The following VSNL1 variants were observed in gnomAD, a reference collection of about 807,000 sequenced individuals.
VSNL1 encodes the protein visinin-like protein 1.
In VSNL1, 6 loss-of-function variants were observed where a neutral mutation model predicts 20.4. The ratio of observed to expected loss-of-function variants is 0.29; its 90% CI spans 0.16 to 0.58. The LOEUF (loss-of-function observed/expected upper bound fraction) is 0.58. Among genes scored for constraint, VSNL1 ranks in the 20% least tolerant of loss-of-function variants. VSNL1 has a pLI of 0.90. For synonymous variants in VSNL1, 93 were observed against 86.4 expected, an observed-to-expected ratio of 1.08 and a Z score of -0.42; for missense variants, 100 against 234.5, an observed-to-expected ratio of 0.43 and a Z score of 3.75.
At chr2:17,613,681 A>G (rs1048827209) in intron 2 of VSNL1, among the ~76,000 whole-genome samples, 3 of 152,168 alleles carry the variant, frequency 2.0e-5, no homozygotes, top group African/African-American at 7.2e-5. Context: ...GAGTGGAGCC[A>G]TACACAGGGG....
intron 2 of VSNL1, among the ~76,000 whole-genome samples, chr2:17,622,532 AAAAGAAAGAAAGAAAG>A (rs201871488): frequency 0.066 from 6,493 of 98,428 alleles, 359 homozygotes; most frequent in African/African-American, 0.11. Flanking sequence ...AGAAAGAAAG[AAAAGAAAGAAAGAAAG>A]AAAGAAAGAA....
chr2:17,620,017 A>C (rs546302553), intron 2 of VSNL1, among the ~76,000 whole-genome samples: 1 of 152,138 alleles, frequency 6.6e-6, no homozygotes, highest in Non-Finnish European at 1.5e-5. Flanking sequence ...CAATCTTTCT[A>C]TATGAACTGA....
rs1479069942 is a variant in VSNL1 at position 17,656,714 on chromosome 2, T to C, written c.*1320T>C. ...TGCCCCCCTAGAGAGTTGAGTTTTT[T>C]ACACAGCACTACCCGGTAGTACTTT... On this transcript the variant is annotated 3_prime_UTR_variant, in exon 4 of 4. Coordinates refer to ENST00000295156, the MANE Select transcript of VSNL1 (RefSeq NM_003385.5). 6.6e-6 allele frequency: 1 copy of C among 152,238 alleles called. No homozygotes were observed. The highest frequency in any genetic ancestry group is 2.1e-4 in the South Asian group (1 of 4,828). The allele number at this position is 152,238 out of a possible 1,614,324, so 9.4% of individuals were successfully genotyped here.
At chr2:17,579,210 G>C (rs536201394) in intron 1 of VSNL1, among the ~76,000 whole-genome samples, 3 of 152,156 alleles carry the variant, frequency 2.0e-5, no homozygotes, top group Admixed American at 2.0e-4. Context: ...CCGCCTCCCG[G>C]GTTCATGCCA....
At chr2:17,591,878 T>C (rs1481346225) in intron 1 of VSNL1, among the ~76,000 whole-genome samples, 192 bp from the exon 2 acceptor site, 2 of 151,934 alleles carry the variant, frequency 1.3e-5, no homozygotes, top group African/African-American at 4.8e-5. Context: ...CTTGGAACTG[T>C]CAGAAGAGTC....
intron 1 of VSNL1, among the ~76,000 whole-genome samples, chr2:17,555,271 C>G (rs757697569): frequency 7.2e-5 from 11 of 152,174 alleles, no homozygotes; most frequent in Non-Finnish European, 1.3e-4. Context: ...CAGATGGCTG[C>G]ATTCCTTTCC....
intron 1 of VSNL1, among the ~76,000 whole-genome samples, chr2:17,578,249 G>A (rs1391237337): frequency 6.6e-6 from 1 of 152,138 alleles, no homozygotes; most frequent in African/African-American, 2.4e-5. Flanking sequence ...GAAGGCCCGG[G>A]TCTTTGCTGT....
At chr2:17,640,239 C>T (rs777669298) in intron 2 of VSNL1, among the ~76,000 whole-genome samples, 12 of 135,016 alleles carry the variant, frequency 8.9e-5, no homozygotes, top group African/African-American at 2.3e-4. Flanking sequence ...GGCAACAGAG[C>T]GAGACTCTGT....
At position 17,600,650 on chromosome 2, in the gene VSNL1, T is replaced by C. The variant is rs569991067; in HGVS notation, c.162+8414T>C. 6.6e-5 allele frequency among the ~76,000 whole-genome samples: 10 copies of C among 152,340 alleles called. No individual in the cohort carries two copies. In the South Asian group the frequency reaches 2.1e-3, roughly 32 times the overall value. ...GGAGCAGACTTTATTAAAAATTCAT[T>C]GGGCAGAGCTGTATATAGAAGGGTT... is the stretch of plus-strand genomic sequence containing the variant. On this transcript the variant is annotated intron_variant, in intron 2 of 3. Transcript: ENST00000295156.
Position 17,655,341 on chromosome 2 carries a change from G to A in VSNL1, c.523G>A (p.Ala175Thr). ...TACACTGGATGAATTCAAAGAAGCT[G>A]CAAAGAGCGACCCTTCCATTGTATT... Reference protein sequence around the residue: ...QITLDEFKEAAKSDPSIVLLL... With the variant: ...QITLDEFKEATKSDPSIVLLL... Residue 175 changes from alanine to threonine, a missense_variant, in exon 4 of 4, where the codon GCA becomes ACA. By Grantham distance (58) the Ala-to-Thr change is moderately conservative. Transcript: ENST00000295156. This position sits in a 1 kb window ranked among gnomAD's most constrained non-coding sequence, Gnocchi z 5.2. 1 of 1,614,060 alleles carries A rather than the reference G, an allele frequency of 6.2e-7. No homozygotes were observed. Among genetic ancestry groups the A allele is most frequent in the East Asian group, 2.2e-5 (1 of 44,874 alleles).
chr2:17,590,939 A>T (rs966724326), intron 1 of VSNL1, among the ~76,000 whole-genome samples: 1 of 152,044 alleles, frequency 6.6e-6, no homozygotes, highest in Non-Finnish European at 1.5e-5. Flanking sequence ...GTTTAACTTG[A>T]CTTTTTAAAT....
chr2:17,613,559 T>C (rs1353707567), intron 2 of VSNL1, among the ~76,000 whole-genome samples: 1 of 152,172 alleles, frequency 6.6e-6, no homozygotes, highest in Admixed American at 6.5e-5. Context: ...TCACAAAAGA[T>C]GTAAGAGCTA....
chr2:17,585,382 T>TAAA (rs35397738), intron 1 of VSNL1, among the ~76,000 whole-genome samples: 1 of 141,830 alleles, frequency 7.1e-6, no homozygotes, highest in Non-Finnish European at 1.5e-5. Flanking sequence ...GCCTTCATTA[T>TAAA]AAAAAAAAAA....
intron 1 of VSNL1, among the ~76,000 whole-genome samples, chr2:17,544,050 A>G (rs1040806527): frequency 5.3e-5 from 8 of 152,204 alleles, no homozygotes; most frequent in Non-Finnish European, 8.8e-5. Flanking sequence ...TTACATGAAA[A>G]AAGCTGAGGC....
chr2:17,543,641 C>T (rs2103333182), intron 1 of VSNL1, among the ~76,000 whole-genome samples: 1 of 152,340 alleles, frequency 6.6e-6, no homozygotes, highest in African/African-American at 2.4e-5. Flanking sequence ...CTGGTTTAAC[C>T]TGAAGTTGTG....
chr2:17,645,218 T>C (rs1212903732), intron 2 of VSNL1, among the ~76,000 whole-genome samples: 1 of 152,228 alleles, frequency 6.6e-6, no homozygotes, highest in Non-Finnish European at 1.5e-5. Context: ...TCCTCCGAAG[T>C]AGCCTTGCTG....
At chr2:17,633,186 A>G (rs1665674100) in intron 2 of VSNL1, among the ~76,000 whole-genome samples, 1 of 152,016 alleles carries the variant, frequency 6.6e-6, no homozygotes, top group Admixed American at 6.6e-5. Flanking sequence ...TTATAAAACC[A>G]TCAGATCTCG....
At chr2:17,551,175 C>A (rs1663526016) in intron 1 of VSNL1, among the ~76,000 whole-genome samples, 1 of 152,134 alleles carries the variant, frequency 6.6e-6, no homozygotes, top group South Asian at 2.1e-4. Context: ...TACACAGGCA[C>A]CAGTCAAATA....
intron 1 of VSNL1, among the ~76,000 whole-genome samples, chr2:17,573,789 G>A (rs1439275865): frequency 6.6e-6 from 1 of 152,184 alleles, no homozygotes; most frequent in Non-Finnish European, 1.5e-5. Flanking sequence ...TTTGGAATCA[G>A]GAGATGAGGC....
Sources: gnomAD v4.1 joint callset for allele counts (sites outside exome capture counted in the v4.1 genomes callset) on GRCh38, gnomAD v4.1.1 for gene constraint, Gnocchi (gnomAD v3.1) non-coding constraint, MANE v1.5 for transcripts, NCBI Gene and HGNC (gene_info 2026-07-23, HGNC 2026-07-21) for gene names.